GRAMD1A: variants seen among roughly 807,000 people sequenced by gnomAD.
The protein encoded by GRAMD1A is GRAM domain containing 1A, also known as protein Aster-A.
In GRAMD1A, 50 loss-of-function variants were observed where a neutral mutation model predicts 92.0. The observed-to-expected ratio is 0.54, with a 90% CI of 0.43 to 0.69. The LOEUF (loss-of-function observed/expected upper bound fraction) is 0.69. GRAMD1A is among the 30% of genes least tolerant of loss of function. GRAMD1A has a pLI of 0.00. For missense variants in GRAMD1A, 819 were observed against 978.9 expected, an observed-to-expected ratio of 0.84 and a Z score of 2.18; for synonymous variants, 405 against 403.6, an observed-to-expected ratio of 1.00 and a Z score of -0.04.
chr19:35,023,471 T>C lies in GRAMD1A; in HGVS notation c.2006T>C (p.Leu669Pro). The change falls in exon 19 of 20, where the codon CTG (leucine) becomes CCG (proline). Residue 669 changes from leucine (L) to proline (P), a missense_variant. Transcript: ENST00000317991. ...ACAGAGTGGGCCGAGATCCTGGCGCTGCAGAAGCAATTCCACAGCGTGGAG... is the reference window on the plus strand; with the variant it reads ...ACAGAGTGGGCCGAGATCCTGGCGCCGCAGAAGCAATTCCACAGCGTGGAG... ...TATEWAEILA[L>P]QKQFHSVEVH... 6.3e-7 allele frequency: 1 copy of C among 1,586,584 alleles called. No individual in the cohort carries two copies. The highest frequency in any genetic ancestry group is 2.2e-5 in the East Asian group (1 of 44,504).
intron 1 of GRAMD1A, among the ~76,000 whole-genome samples, chr19:35,004,570 G>A (rs771560617): frequency 5.4e-4 from 82 of 152,274 alleles, no homozygotes; most frequent in Non-Finnish European, 1.0e-3. Context: ...CTGTTTCAGC[G>A]TCAGGTCCTT....
chr19:35,017,880 G>A (rs1415397447), intron 11 of GRAMD1A, among the ~76,000 whole-genome samples: 1 of 152,214 alleles, frequency 6.6e-6, no homozygotes, highest in Non-Finnish European at 1.5e-5. Context: ...AAGAGATTCT[G>A]GGTGCTAAGG....
Position 35,013,184 on chromosome 19 carries a change from T to A in GRAMD1A, c.607-72T>A. The stretch of plus-strand genomic sequence containing the variant: ...CAGGGGAACTGCGGAGGCCGAGGGC[T>A]GGTGGGGAATCTGGCGGGCCGGGCT... On this transcript the variant is annotated intron_variant, in intron 7 of 19. Transcript: ENST00000317991. The surrounding 1 kb of genome is among the most constrained non-coding windows in gnomAD (Gnocchi z 4.9). The A allele has an allele frequency of 1.3e-6, 1 of 768,294 alleles. No homozygotes were observed. Among genetic ancestry groups the A allele is most frequent in the Non-Finnish European group, 2.2e-6 (1 of 459,994 alleles). The allele number at this position is 768,294 out of a possible 1,614,324, so 47.6% of individuals were successfully genotyped here.
In GRAMD1A at chr19:35,011,680, C is replaced by T. The variant is rs147206451; in HGVS notation, c.606+126C>T. 350 of 669,572 alleles carry T rather than the reference C, an allele frequency of 5.2e-4. 1 individual carries two copies. Among genetic ancestry groups the T allele is most frequent in the Middle Eastern group, 3.0e-3 (8 of 2,692 alleles). The allele number at this position is 669,572 out of a possible 1,614,324, so 41.5% of individuals were successfully genotyped here. On this transcript the variant is annotated intron_variant, in intron 7 of 19. Transcript: ENST00000317991. ...CTCCATGGGCACCAGGCCCAGTGCC[C>T]CTGCAGCTCCTCCCTGGGCCCCACC...
intron 11 of GRAMD1A, among the ~76,000 whole-genome samples, chr19:35,018,257 G>A (rs2862195): frequency 0.37 from 55,872 of 151,984 alleles, 10,470 homozygotes; most frequent in Middle Eastern, 0.48. Flanking sequence ...CAAATTTCCC[G>A]AAGTGCTGGG....
At chr19:34,994,850 G>A (rs1307714598) in intron 1 of GRAMD1A, 1 of 152,308 alleles carries the variant, frequency 6.6e-6, no homozygotes, top group African/African-American at 2.4e-5. Context: ...GTACTCGGGT[G>A]CCTGGGAAGA....
intron 11 of GRAMD1A, among the ~76,000 whole-genome samples, chr19:35,018,291 C>T (rs2015788346): frequency 6.6e-6 from 1 of 152,170 alleles, no homozygotes; most frequent in South Asian, 2.1e-4. Flanking sequence ...GCCACTGTGC[C>T]CGGCTGCCTC....
upstream of GRAMD1A, among the ~76,000 whole-genome samples, chr19:34,997,391 A>AAAAC (rs1229788758): frequency 6.6e-6 from 1 of 150,834 alleles, no homozygotes; most frequent in Non-Finnish European, 1.5e-5. Context: ...AAAAAAACAA[A>AAAAC]AAAAAAAAAA....
At chr19:34,995,570 G>GTTTTTCTTT (rs1173583059), upstream of GRAMD1A, among the ~76,000 whole-genome samples, 418 of 80,872 alleles carry the variant, frequency 5.2e-3, 25 homozygotes, top group Non-Finnish European at 6.9e-3. Flanking sequence ...TCAGATCACG[G>GTTTTTCTTT]GTTTTTTTTT....
chr19:35,011,448 C>CCTCTCT (rs140658050), intron 6 of GRAMD1A, 26 bp from the exon 7 acceptor site: 5 of 1,429,578 alleles, frequency 3.5e-6, no homozygotes, highest in Non-Finnish European at 3.9e-6. Context: ...CCTGCTCACA[C>CCTCTCT]CTCTCTCTCT....
In GRAMD1A at chr19:35,015,855, C is replaced by T. The variant is rs185971898; in HGVS notation, c.1101C>T (p.Ser367=). ...ADLAALLPDL[S]GRLLINSVFH... ...TGGCTGCCCTGCTTCCCGACCTCTCCGGCCGCCTCCTCATCAACTCTGTCT... is the reference window on the plus strand; with the variant it reads ...TGGCTGCCCTGCTTCCCGACCTCTCTGGCCGCCTCCTCATCAACTCTGTCT... Residue 367 remains serine (S), a synonymous_variant, in exon 11 of 20, where the codon TCC becomes TCT. Transcript: ENST00000317991. 58 of 1,614,098 alleles carry T rather than the reference C, an allele frequency of 3.6e-5. No homozygotes were observed. The highest frequency in any genetic ancestry group is 4.4e-5 in the Non-Finnish European group (52 of 1,179,974).
rs2015061140 is a variant in GRAMD1A at position 35,009,419 on chromosome 19, G to A, written c.220-4G>A. ...CATCCTGACTCCTCTCCTTTTCTTTGCAGAAGATGCAGAGCTGGTACAGTG... is the reference window on the plus strand; with the variant it reads ...CATCCTGACTCCTCTCCTTTTCTTTACAGAAGATGCAGAGCTGGTACAGTG... On this transcript the variant is annotated splice_polypyrimidine_tract_variant and splice_region_variant and intron_variant, in intron 2 of 19. Coordinates refer to ENST00000317991, the MANE Select transcript of GRAMD1A (RefSeq NM_020895.5). The A allele has an allele frequency of 6.2e-7, 1 of 1,614,072 alleles. No individual in the cohort carries two copies. Among genetic ancestry groups the A allele is most frequent in the African/African-American group, 1.3e-5 (1 of 75,006 alleles).
At chr19:35,020,088 T>G (rs2015939812) in intron 13 of GRAMD1A, among the ~76,000 whole-genome samples, 1 of 151,898 alleles carries the variant, frequency 6.6e-6, no homozygotes, top group African/African-American at 2.4e-5. Flanking sequence ...GAGTAGGAGC[T>G]GAGATTAAAG....
intron 1 of GRAMD1A, among the ~76,000 whole-genome samples, chr19:35,007,623 G>A (rs2151707708): frequency 6.6e-6 from 1 of 152,236 alleles, no homozygotes; most frequent in African/African-American, 2.4e-5. Context: ...CCAGCACTTT[G>A]GTAGTGCCCA....
At chr19:34,996,136 G>T (rs1310309689), upstream of GRAMD1A, 5 of 1,535,968 alleles carry the variant, frequency 3.3e-6, no homozygotes, top group African/African-American at 5.5e-5. Flanking sequence ...AGGGTGACAG[G>T]GCCCAGGGCC....
In GRAMD1A at chr19:35,013,478, G is replaced by T; in HGVS notation, c.720-63G>T. 1 of 1,558,498 alleles carries T rather than the reference G, an allele frequency of 6.4e-7. No individual in the cohort carries two copies. Among genetic ancestry groups the T allele is most frequent in the Non-Finnish European group, 8.8e-7 (1 of 1,137,502 alleles). On this transcript the variant is annotated intron_variant, in intron 8 of 19. Transcript: ENST00000317991. This position sits in a 1 kb window ranked among gnomAD's most constrained non-coding sequence, Gnocchi z 4.9. ...TGAGATGGTTGTATGACGTCTGGAG[G>T]ATTCAGGAGGGTGTATGGGGTCTCA...
intron 1 of GRAMD1A, among the ~76,000 whole-genome samples, chr19:34,995,171 T>C (rs1304966142): frequency 6.6e-6 from 1 of 152,226 alleles, no homozygotes; most frequent in Non-Finnish European, 1.5e-5. Context: ...TCTCTGTCTG[T>C]CCGGCTAGCC....
upstream of GRAMD1A, chr19:35,000,079 C>T: frequency 1.0e-6 from 1 of 987,484 alleles, no homozygotes; most frequent in Non-Finnish European, 1.2e-6. The surrounding 1 kb of genome is among the most constrained non-coding windows in gnomAD (Gnocchi z 4.9). Flanking sequence ...CCCCAACCTG[C>T]GGGCAGGCAG....
chr19:35,001,800 GTT>G (rs995666529), intron 1 of GRAMD1A, among the ~76,000 whole-genome samples: 1 of 151,994 alleles, frequency 6.6e-6, no homozygotes, highest in Non-Finnish European at 1.5e-5. Flanking sequence ...TAGAGATGGG[GTT>G]TCACCATGTT....
Sources: allele counts gnomAD v4.1 joint callset (sites outside exome capture counted in the v4.1 genomes callset), GRCh38; gene constraint gnomAD v4.1.1; non-coding constraint Gnocchi (gnomAD v3.1); transcripts MANE v1.5; gene names NCBI Gene and HGNC (gene_info 2026-07-23, HGNC 2026-07-21).